The following TRIM32 variants were observed in gnomAD, a reference collection of about 807,000 sequenced individuals.
The protein encoded by TRIM32 is tripartite motif containing 32.
TRIM32 carries 19 observed loss-of-function variants against 36.0 expected under a neutral mutation model. The ratio of observed to expected loss-of-function variants is 0.53; its 90% confidence interval spans 0.37 to 0.77. TRIM32 has a LOEUF of 0.77. Ranked by LOEUF, TRIM32 falls within the 30% of genes least tolerant of loss-of-function variation. TRIM32 has a pLI of 0.00. For synonymous variants in TRIM32, 309 were observed against 318.5 expected (o/e 0.97, Z 0.32); for missense variants, 747 against 845.2 (o/e 0.88, Z 1.44).
rs1433328615 is a variant in TRIM32, at chr9:116,700,740, C to T, written c.*1036C>T. 2 of 166,916 alleles carry T rather than the reference C, an allele frequency of 1.2e-5. No homozygotes were observed. The highest frequency in any genetic ancestry group is 3.8e-4 in the East Asian group (2 of 5,202). 10.3% of individuals were successfully genotyped at this position (166,916 alleles called of 1,614,324 possible). On this transcript the variant is annotated 3_prime_UTR_variant, in exon 2 of 2. Transcript: ENST00000450136. ...CTATCAAGCATTAAATAATTGAGAA[C>T]TGTTTCTTCATCTCTGGTGTTCATG...
chr9:116,695,647 T>G (rs1003318405), intron 1 of TRIM32, among the ~76,000 whole-genome samples: 38 of 152,318 alleles, frequency 2.5e-4, no homozygotes, highest in Admixed American at 2.3e-3. Flanking sequence ...ATCACAAGAC[T>G]GCACAGATAC....
chr9:116,692,517 T>C (rs1860622774), intron 1 of TRIM32, among the ~76,000 whole-genome samples: 1 of 152,228 alleles, frequency 6.6e-6, no homozygotes. Flanking sequence ...AGGAAGATAC[T>C]ATTTTAAAGT....
At position 116,698,933 on chromosome 9, in the gene TRIM32, C is replaced by T; in HGVS notation, c.1191C>T (p.Val397=). 5 of 1,614,206 alleles carry T rather than the reference C, an allele frequency of 3.1e-6. No homozygotes were observed. The highest frequency in any genetic ancestry group is 4.2e-6 in the Non-Finnish European group (5 of 1,180,042). ...VADRGNYRIQ[V]FTRKGFLKEI... ...ACCGTGGTAACTATCGTATACAAGTCTTTACCCGCAAAGGCTTTTTGAAGG... is the reference window on the plus strand; with the variant it reads ...ACCGTGGTAACTATCGTATACAAGTTTTTACCCGCAAAGGCTTTTTGAAGG... The change falls in exon 2 of 2, where the codon GTC becomes GTT. Residue 397 remains valine, a synonymous_variant. Transcript: ENST00000450136. This position sits in a 1 kb window ranked among gnomAD's most constrained non-coding sequence, Gnocchi z 4.4.
chr9:116,698,807 C>T lies in TRIM32; in HGVS notation c.1065C>T (p.Cys355=), dbSNP rs772461592. The T allele has an allele frequency of 1.2e-6, 2 of 1,614,060 alleles. No homozygotes were observed. The highest frequency in any genetic ancestry group is 2.7e-5 in the African/African-American group (2 of 74,904). ...AGGCAGCCTCCAATATCCAGCAGTG[C>T]CTCTTTCTCAAGAAGATGGGGGCCA... The part of the protein sequence containing the change: ...GPEAASNIQQ[C]LFLKKMGAKG... The change falls in exon 2 of 2, where the codon TGC becomes TGT. Residue 355 remains cysteine (C), a synonymous_variant. Coordinates refer to ENST00000450136, the MANE Select transcript of TRIM32 (RefSeq NM_012210.4). The surrounding 1 kb of genome is among the most constrained non-coding windows in gnomAD (Gnocchi z 4.4).
chr9:116,696,306 C>CT (rs1363147619), intron 1 of TRIM32, among the ~76,000 whole-genome samples: 1 of 152,146 alleles, frequency 6.6e-6, no homozygotes, highest in South Asian at 2.1e-4. Context: ...TCATTAAAGG[C>CT]TTTTTTGGTG....
chr9:116,693,820 G>A (rs1331827273), intron 1 of TRIM32, among the ~76,000 whole-genome samples: 4 of 152,180 alleles, frequency 2.6e-5, no homozygotes. Flanking sequence ...GGAAACTGAA[G>A]TCAAATTGAC....
Position 116,700,244 on chromosome 9 carries a change from A to G in TRIM32, c.*540A>G, listed in dbSNP as rs1861105166. 2 of 176,694 alleles carry G rather than the reference A, an allele frequency of 1.1e-5. No individual in the cohort carries two copies. The allele number at this position is 176,694 out of a possible 1,614,324, so 10.9% of individuals were successfully genotyped here. On this transcript the variant is annotated 3_prime_UTR_variant, in exon 2 of 2. Transcript: ENST00000450136. ...TCTCAGTCTGATCGTCTTTACCAGT[A>G]TGAAAGTCATTCATTTAGTGCTACC... is the stretch of plus-strand genomic sequence containing the variant.
At chr9:116,694,274 G>A (rs957914353) in intron 1 of TRIM32, among the ~76,000 whole-genome samples, 1 of 152,102 alleles carries the variant, frequency 6.6e-6, no homozygotes, top group African/African-American at 2.4e-5. Flanking sequence ...TGGCAGCCTT[G>A]TTTAATAAAC....
At chr9:116,692,797 G>A (rs918156965) in intron 1 of TRIM32, among the ~76,000 whole-genome samples, 8 of 152,010 alleles carry the variant, frequency 5.3e-5, no homozygotes, top group Non-Finnish European at 1.2e-4. Context: ...TTTTGCCCAG[G>A]CTGAAGTACA....
intron 1 of TRIM32, among the ~76,000 whole-genome samples, chr9:116,693,367 TACTACCTTGGTTACTC>T (rs1439196361): frequency 6.6e-6 from 1 of 152,236 alleles, no homozygotes; most frequent in Non-Finnish European, 1.5e-5. Flanking sequence ...TTGCTTTTTC[TACTACCTTGGTTACTC>T]ATTTCATGGA....
At position 116,687,423 on chromosome 9, in the gene TRIM32, C is replaced by T. The variant is rs803894; in HGVS notation, c.-82+42C>T. The stretch of plus-strand genomic sequence containing the variant: ...AGGGTTGGGGACTGGGGACCGCGGC[C>T]GGAGTCGTGGGCCGTGGCTCAGCGG... On this transcript the variant is annotated intron_variant, in intron 1 of 1. Transcript: ENST00000450136. The T allele has an allele frequency of 3.4e-3, 781 of 232,280 alleles. 6 individuals are homozygous for T. Among genetic ancestry groups the T allele is most frequent in the African/African-American group, 0.018 (747 of 41,742 alleles). 14.4% of individuals were successfully genotyped at this position (232,280 alleles called of 1,614,324 possible).
Position 116,699,426 on chromosome 9 carries a change from G to A in TRIM32, c.1684G>A (p.Gly562Ser). Residue 562 changes from glycine to serine, a missense_variant, in exon 2 of 2, where the codon GGT (glycine) becomes AGT (serine). By Grantham distance (56) the Gly-to-Ser change is moderately conservative. Coordinates refer to ENST00000450136, the MANE Select transcript of TRIM32 (RefSeq NM_012210.4). The surrounding 1 kb of genome is among the most constrained non-coding windows in gnomAD (Gnocchi z 4.2). ...CTCTGTAGGCCCTGATGGGCAGCTG[G>A]GTCGCCAGATTAGCCACTTCTTCTC... The part of the protein sequence containing the change: ...IGSVGPDGQL[G>S]RQISHFFSEN... 1 of 1,614,116 alleles carries A rather than the reference G, an allele frequency of 6.2e-7. No individual in the cohort carries two copies.
At position 116,699,695 on chromosome 9, in the gene TRIM32, C is replaced by T; in HGVS notation, c.1953C>T (p.Ser651=). The part of the protein sequence containing the change: ...KIYSYHLRRY[S]TP ...ACAGCTACCATCTGAGAAGATATTCCACCCCATAGGGGATGAGAAATTATC... is the reference window on the plus strand; with the variant it reads ...ACAGCTACCATCTGAGAAGATATTCTACCCCATAGGGGATGAGAAATTATC... Residue 651 remains serine, a synonymous_variant, in exon 2 of 2, where the codon TCC becomes TCT. Transcript: ENST00000450136. This position sits in a 1 kb window ranked among gnomAD's most constrained non-coding sequence, Gnocchi z 4.2. 6 of 1,614,200 alleles carry T rather than the reference C, an allele frequency of 3.7e-6. No individual in the cohort carries two copies. Among genetic ancestry groups the T allele is most frequent in the Non-Finnish European group, 5.1e-6 (6 of 1,180,038 alleles).
rs1010902695 is a variant in TRIM32, at chr9:116,691,008, C to G, written c.-82+3627C>G. ...AATCACAGTTCACTGCAGCCTCAAC[C>G]TCCTAGGCTCAAGTGATCCTCCCAT... On this transcript the variant is annotated intron_variant, in intron 1 of 1. Transcript: ENST00000450136. 3.9e-5 allele frequency among the ~76,000 whole-genome samples: 6 copies of G among 152,246 alleles called. No homozygotes were observed. The East Asian group carries it at 1.2e-3, about 29-fold the overall frequency.
intron 1 of TRIM32, chr9:116,697,427 C>A (rs1007426570): frequency 1.1e-5 from 4 of 353,854 alleles, no homozygotes; most frequent in Non-Finnish European, 2.1e-5. Context: ...TATGGTCATG[C>A]AGCTAAGTAA....
chr9:116,699,499 G>A lies in TRIM32; in HGVS notation c.1757G>A (p.Arg586His), dbSNP rs866695848. ...ATTGCTGGCATGTGTGTGGATGCTC[G>A]TGGTGATCTCATCGTGGCTGACAGT... Reference protein sequence around the residue: ...RCIAGMCVDARGDLIVADSSR... With the variant: ...RCIAGMCVDAHGDLIVADSSR... Residue 586 changes from arginine (R) to histidine (H), a missense_variant, in exon 2 of 2, where the codon CGT becomes CAT. Physicochemically the swap from Arg to His is conservative, Grantham distance 29. Transcript: ENST00000450136. This position sits in a 1 kb window ranked among gnomAD's most constrained non-coding sequence, Gnocchi z 4.2. 6.8e-6 allele frequency: 11 copies of A among 1,613,980 alleles called. No homozygotes were observed. Among genetic ancestry groups the A allele is most frequent in the East Asian group, 4.5e-5 (2 of 44,876 alleles).
chr9:116,690,501 G>C (rs555952470), intron 1 of TRIM32, among the ~76,000 whole-genome samples: 1 of 152,304 alleles, frequency 6.6e-6, no homozygotes, highest in South Asian at 2.1e-4. Context: ...GGCCCTTAAA[G>C]TAGATCATTG....
chr9:116,687,763 T>C (rs1432217030), intron 1 of TRIM32, among the ~76,000 whole-genome samples: 2 of 151,488 alleles, frequency 1.3e-5, no homozygotes. Context: ...TTCAGAAATA[T>C]GAAGGAACTG....
intron 1 of TRIM32, among the ~76,000 whole-genome samples, chr9:116,690,400 AC>A (rs1371242801): frequency 6.6e-6 from 1 of 152,196 alleles, no homozygotes; most frequent in Non-Finnish European, 1.5e-5. Flanking sequence ...CACCTATGTT[AC>A]ATTATAGTAG....
Sources: gnomAD v4.1 joint callset for allele counts (sites outside exome capture counted in the v4.1 genomes callset) on GRCh38, gnomAD v4.1.1 for gene constraint, Gnocchi (gnomAD v3.1) non-coding constraint, MANE v1.5 for transcripts, NCBI Gene and HGNC (gene_info 2026-07-23, HGNC 2026-07-21) for gene names.